The following CTNNA3 variants were observed in gnomAD, a reference collection of about 807,000 sequenced individuals.
CTNNA3 encodes catenin alpha 3.
CTNNA3 carries 76 observed loss-of-function variants against 95.7 expected under a neutral mutation model. The observed-to-expected ratio is 0.79, with a 90% CI of 0.66 to 0.96. The LOEUF (loss-of-function observed/expected upper bound fraction) is 0.96. CTNNA3 is among the 40% of genes least tolerant of loss of function. The pLI is 0.00. For synonymous variants in CTNNA3, 431 were observed against 374.4 expected, an observed-to-expected ratio of 1.15 and a Z score of -1.74; for missense variants, 1,191 against 1,089.8, an observed-to-expected ratio of 1.09 and a Z score of -1.31.
intron 5 of CTNNA3, among the ~76,000 whole-genome samples, chr10:67,488,946 G>A (rs1197026850): frequency 2.0e-5 from 3 of 152,074 alleles, no homozygotes; most frequent in Non-Finnish European, 4.4e-5. Flanking sequence ...ATGTTGCCCA[G>A]GCTGGTCTCG....
chr10:67,512,885 G>A lies in CTNNA3; in HGVS notation c.579+8957C>T, dbSNP rs752130975. 4.6e-5 allele frequency among the ~76,000 whole-genome samples: 7 copies of A among 152,150 alleles called. No homozygotes were observed. The East Asian group carries it at 5.8e-4, about 13-fold the overall frequency. ...CTGTAGTCCCAGCTACTCGGGAAGC[G>A]GAGGCAGAAGAATTGCCTGAACCTG... On this transcript the variant is annotated intron_variant, in intron 5 of 17. Transcript: ENST00000433211.
At chr10:67,316,291 T>G (rs1841047991) in intron 5 of CTNNA3, among the ~76,000 whole-genome samples, 1 of 152,232 alleles carries the variant, frequency 6.6e-6, no homozygotes, top group East Asian at 1.9e-4. Flanking sequence ...ATGCTGAGAA[T>G]GGTTATTTCT....
intron 10 of CTNNA3, among the ~76,000 whole-genome samples, chr10:66,606,355 T>C (rs1052229646): frequency 6.6e-6 from 1 of 151,952 alleles, no homozygotes; most frequent in South Asian, 2.1e-4. Context: ...CAGTATTAGA[T>C]CATTGAGGCA....
chr10:67,459,549 C>T (rs1847300138), intron 5 of CTNNA3, among the ~76,000 whole-genome samples: 1 of 152,126 alleles, frequency 6.6e-6, no homozygotes, highest in Admixed American at 6.6e-5. Context: ...TATTTTCTCT[C>T]CTTCATAGTA....
chr10:66,447,179 T>C (rs1347300044), intron 11 of CTNNA3, among the ~76,000 whole-genome samples: 3 of 151,912 alleles, frequency 2.0e-5, no homozygotes, highest in Non-Finnish European at 4.4e-5. Context: ...TAAAAGAGGA[T>C]ACAAACAAAT....
At chr10:66,636,204 A>G (rs1845331651) in intron 9 of CTNNA3, among the ~76,000 whole-genome samples, 1 of 152,066 alleles carries the variant, frequency 6.6e-6, no homozygotes, top group South Asian at 2.1e-4. Context: ...TAATTATATG[A>G]TAAAAATGAA....
intron 9 of CTNNA3, among the ~76,000 whole-genome samples, chr10:66,649,130 A>G (rs7082924): frequency 0.66 from 100,423 of 152,026 alleles, 34,102 homozygotes; most frequent in East Asian, 0.95. Context: ...TAAAGGAGGA[A>G]TGATTGAACA....
At chr10:66,128,860 G>T (rs1178620363) in intron 13 of CTNNA3, among the ~76,000 whole-genome samples, 1 of 152,056 alleles carries the variant, frequency 6.6e-6, no homozygotes, top group East Asian at 1.9e-4. Context: ...TAACGGGAAA[G>T]GCTGTGTGAG....
rs981016681 is a variant in CTNNA3, at chr10:66,743,592, T to C, written c.1281+22672A>G. Among the ~76,000 whole-genome samples, 13 of 152,094 alleles carry C rather than the reference T, an allele frequency of 8.5e-5. No homozygotes were observed. In the South Asian group the frequency reaches 1.7e-3, roughly 19 times the overall value. ...TAATCCACCTAATTGGATTGTAACA[T>C]GTCTGGTGTGAGGTACTTCTAGTTA... On this transcript the variant is annotated intron_variant, in intron 9 of 17. Transcript: ENST00000433211.
At chr10:66,288,414 C>T (rs1589035695) in intron 12 of CTNNA3, among the ~76,000 whole-genome samples, 1 of 151,864 alleles carries the variant, frequency 6.6e-6, no homozygotes, top group East Asian at 1.9e-4. Flanking sequence ...GGAAACCTAA[C>T]ACCAAATGCA....
At chr10:66,224,554 A>G (rs1264858498) in intron 13 of CTNNA3, among the ~76,000 whole-genome samples, 3 of 152,182 alleles carry the variant, frequency 2.0e-5, no homozygotes, top group Non-Finnish European at 4.4e-5. Flanking sequence ...TCCTCCTACA[A>G]GAAGGGCGTA....
intron 7 of CTNNA3, among the ~76,000 whole-genome samples, chr10:66,992,726 T>A (rs963614204): frequency 4.6e-5 from 7 of 152,278 alleles, no homozygotes; most frequent in East Asian, 3.9e-4. Flanking sequence ...GTTGTTTGTA[T>A]TTTTTCATAA....
At chr10:66,726,020 A>G (rs1289046627) in intron 9 of CTNNA3, among the ~76,000 whole-genome samples, 1 of 152,110 alleles carries the variant, frequency 6.6e-6, no homozygotes, top group Non-Finnish European at 1.5e-5. Flanking sequence ...GGGTGGATTC[A>G]TCTCCTCTAA....
chr10:67,422,638 C>G (rs1845786387), intron 5 of CTNNA3, among the ~76,000 whole-genome samples: 1 of 152,078 alleles, frequency 6.6e-6, no homozygotes, highest in South Asian at 2.1e-4. Flanking sequence ...TGAGTGAGTT[C>G]TCACTAGAAC....
At chr10:66,739,138 A>G (rs1293550584) in intron 9 of CTNNA3, among the ~76,000 whole-genome samples, 9 of 152,202 alleles carry the variant, frequency 5.9e-5, no homozygotes, top group Admixed American at 6.5e-5. Context: ...GATGAATGAA[A>G]GACATCTCCC....
intron 3 of CTNNA3, among the ~76,000 whole-genome samples, chr10:67,559,753 A>G (rs570554253): frequency 6.6e-6 from 1 of 152,306 alleles, no homozygotes; most frequent in Admixed American, 6.5e-5. Context: ...AATATAGACG[A>G]ATGTACAACT....
intron 15 of CTNNA3, among the ~76,000 whole-genome samples, chr10:65,991,487 A>G (rs2078544883): frequency 6.6e-6 from 1 of 151,936 alleles, no homozygotes; most frequent in African/African-American, 2.4e-5. Context: ...TTGTTTGGTT[A>G]AAATTATTCC....
At chr10:67,195,395 G>A (rs1031908246) in intron 6 of CTNNA3, among the ~76,000 whole-genome samples, 1 of 151,726 alleles carries the variant, frequency 6.6e-6, no homozygotes, top group African/African-American at 2.4e-5. Context: ...TTGGGAAAGT[G>A]GTTTAAGCTG....
chr10:66,227,456 C>T (rs2089365739), intron 13 of CTNNA3, among the ~76,000 whole-genome samples: 1 of 150,828 alleles, frequency 6.6e-6, no homozygotes, highest in Admixed American at 6.6e-5. Flanking sequence ...TCAATTGTTG[C>T]TGTGATGTAT....
Sources: allele counts gnomAD v4.1 joint callset (sites outside exome capture counted in the v4.1 genomes callset), GRCh38; gene constraint gnomAD v4.1.1; transcripts MANE v1.5; gene names NCBI Gene and HGNC (gene_info 2026-07-23, HGNC 2026-07-21).